The following TEX11 variants were observed in gnomAD, a reference collection of about 807,000 sequenced individuals.
TEX11 encodes testis expressed 11.
A neutral mutation model predicts 84.4 loss-of-function variants in TEX11; 7 were observed. That is an observed-to-expected ratio of 0.08 (90% CI 0.05 to 0.16). The LOEUF (loss-of-function observed/expected upper bound fraction) is 0.16. Among genes scored for constraint, TEX11 ranks in the 10% least tolerant of loss-of-function variants. The pLI, the probability that TEX11 is intolerant of heterozygous loss-of-function variation, is 1.00. For synonymous variants in TEX11, 264 were observed against 222.8 expected, an observed-to-expected ratio of 1.18 and a Z score of -1.64; for missense variants, 551 against 660.5, an observed-to-expected ratio of 0.83 and a Z score of 1.82.
intron 9 of TEX11, among the ~76,000 whole-genome samples, chrX:70,796,562 A>G (rs751578267): frequency 8.9e-6 from 1 of 112,076 alleles, no homozygotes; most frequent in East Asian, 2.8e-4. Context: ...ATAATTTATG[A>G]CTAAGTCCTC....
chrX:70,829,150 A>G (rs1234075704), intron 8 of TEX11, among the ~76,000 whole-genome samples: 1 of 111,907 alleles, frequency 8.9e-6, no homozygotes, highest in African/African-American at 3.2e-5. Context: ...GCAAGAAGAA[A>G]TCACCTGAAG....
intron 2 of TEX11, among the ~76,000 whole-genome samples, chrX:70,887,753 C>T (rs780552251): frequency 1.5e-3 from 166 of 112,307 alleles, no homozygotes; most frequent in African/African-American, 5.1e-3. Context: ...GCCTTGGTTA[C>T]AAAGGTGGTT....
At chrX:70,647,675 A>T (rs944467812) in intron 17 of TEX11, among the ~76,000 whole-genome samples, 9 of 109,896 alleles carry the variant, frequency 8.2e-5, no homozygotes, top group African/African-American at 2.3e-4. Context: ...CAAAAAAATA[A>T]AAAATAAAAA....
In TEX11 at chrX:70,873,316, A is replaced by G. The variant is rs1225140258; in HGVS notation, c.160-9T>C. On this transcript the variant is annotated splice_polypyrimidine_tract_variant and intron_variant, in intron 3 of 29. Coordinates refer to ENST00000374333, the MANE Select transcript of TEX11 (RefSeq NM_031276.3). The stretch of plus-strand genomic sequence containing the variant: ...ACTGCCATTTCTTCAATCTGGTCAA[A>G]GAGAAACATTTCCTTAGTTAGTTAA... The G allele has an allele frequency of 1.8e-6, 2 of 1,136,098 alleles. No individual in the cohort carries two copies. Among genetic ancestry groups the G allele is most frequent in the Non-Finnish European group, 2.4e-6 (2 of 827,554 alleles). 93.6% of individuals were successfully genotyped at this position (1,136,098 alleles called of 1,213,427 possible).
chrX:70,789,630 C>G (rs968464722), intron 9 of TEX11, among the ~76,000 whole-genome samples: 11 of 111,597 alleles, frequency 9.9e-5, no homozygotes, highest in African/African-American at 3.6e-4. Flanking sequence ...TATGGGGAGA[C>G]GAAAGATAAC....
chrX:70,605,257 C>T, intron 24 of TEX11, 144 bp downstream of exon 24: 1 of 381,036 alleles, frequency 2.6e-6, no homozygotes. Flanking sequence ...AAGGAATTAG[C>T]CATTACAAAC....
intron 19 of TEX11, 143 bp downstream of exon 19, chrX:70,624,696 T>C (rs978729868): frequency 4.9e-6 from 2 of 405,532 alleles, no homozygotes; most frequent in Non-Finnish European, 8.3e-6. Flanking sequence ...TAAGTATTTA[T>C]CAAGTCCCAA....
intron 26 of TEX11, 89 bp downstream of exon 26, chrX:70,554,562 G>T: frequency 1.1e-6 from 1 of 904,182 alleles, no homozygotes. Flanking sequence ...TTTCCTACCT[G>T]GAGGTAAGAA....
chrX:70,804,434 TG>T (rs1272898470), intron 9 of TEX11, among the ~76,000 whole-genome samples: 1 of 112,362 alleles, frequency 8.9e-6, no homozygotes, highest in Non-Finnish European at 1.9e-5. Flanking sequence ...CATTAAAATA[TG>T]ATAATTCCTT....
Position 70,632,307 on chromosome X carries a change from G to T in TEX11, c.1484-2572C>A, listed in dbSNP as rs184225652. On this transcript the variant is annotated intron_variant, in intron 17 of 29. Coordinates refer to ENST00000374333, the MANE Select transcript of TEX11 (RefSeq NM_031276.3). ...CAAATGGAACTCAAAGAAAGCAGAAGAATGGATATGATAAAGATCAGAACG... is the reference window on the plus strand; with the variant it reads ...CAAATGGAACTCAAAGAAAGCAGAATAATGGATATGATAAAGATCAGAACG... Among the ~76,000 whole-genome samples, 247 of 111,378 alleles carry T rather than the reference G, an allele frequency of 2.2e-3. 3 individuals carry two copies. Among genetic ancestry groups the T allele is most frequent in the African/African-American group, 7.6e-3 (233 of 30,667 alleles).
rs751906496 is a variant in TEX11 at position 70,605,629 on chromosome X, A to G, written c.1951-112T>C. The G allele has an allele frequency of 7.4e-4, 361 of 490,460 alleles. 1 individual carries two copies. Among genetic ancestry groups the G allele is most frequent in the Non-Finnish European group, 1.4e-4 (38 of 281,002 alleles). The allele number at this position is 490,460 out of a possible 1,213,427, so 40.4% of individuals were successfully genotyped here. ...TGTTTGAATGAGAAAATTCAGCTGG[A>G]AAAGCACATGTCACCATAGAAATGA... On this transcript the variant is annotated intron_variant, in intron 23 of 29. Transcript: ENST00000374333.
chrX:70,826,787 C>A (rs1488660008), intron 8 of TEX11, among the ~76,000 whole-genome samples: 3 of 111,380 alleles, frequency 2.7e-5, no homozygotes, highest in Non-Finnish European at 3.8e-5. Flanking sequence ...CAAGCCTCGT[C>A]ACTGTGGGCT....
intron 9 of TEX11, among the ~76,000 whole-genome samples, chrX:70,750,819 C>G (rs1187043414): frequency 1.0e-5 from 1 of 96,984 alleles, no homozygotes; most frequent in Non-Finnish European, 2.1e-5. Flanking sequence ...ATACCTAATG[C>G]TAGATGACGA....
chrX:70,537,120 T>C (rs934045683), intron 28 of TEX11, among the ~76,000 whole-genome samples: 2 of 111,238 alleles, frequency 1.8e-5, no homozygotes, highest in Non-Finnish European at 3.8e-5. Flanking sequence ...GGTACAGTGG[T>C]AGAATGTTAT....
chrX:70,822,119 A>C (rs1406644104), intron 8 of TEX11, among the ~76,000 whole-genome samples: 1 of 111,761 alleles, frequency 8.9e-6, no homozygotes, highest in African/African-American at 3.3e-5. Flanking sequence ...GTTATACTGT[A>C]TTATTTAGGG....
chrX:70,610,549 A>G lies in TEX11; in HGVS notation c.1752-6T>C, dbSNP rs1001535289. On this transcript the variant is annotated splice_region_variant and splice_polypyrimidine_tract_variant and intron_variant, in intron 20 of 29. Transcript: ENST00000374333. ...GTCGATCCATTTCTTTCTTCCTAAA[A>G]ATAAAGAAAAGGATATTTTCCAACT... 1.3e-5 allele frequency: 15 copies of G among 1,199,515 alleles called. No individual in the cohort carries two copies. The Admixed American group carries it at 2.9e-4, about 23-fold the overall frequency.
intron 25 of TEX11, among the ~76,000 whole-genome samples, chrX:70,576,378 T>C (rs2088673668): frequency 1.8e-5 from 2 of 112,397 alleles, no homozygotes; most frequent in African/African-American, 6.5e-5. Flanking sequence ...CATTAGTTCA[T>C]TGGAAATACA....
At chrX:70,744,923 GT>G (rs2090759278) in intron 9 of TEX11, among the ~76,000 whole-genome samples, 3 of 104,024 alleles carry the variant, frequency 2.9e-5, no homozygotes, top group African/African-American at 1.1e-4. Flanking sequence ...GTTTCACCAT[GT>G]TGGCCAGGTT....
At chrX:70,901,122 G>A (rs774993602) in intron 2 of TEX11, among the ~76,000 whole-genome samples, 2 of 110,701 alleles carry the variant, frequency 1.8e-5, no homozygotes, top group East Asian at 5.7e-4. Flanking sequence ...TGAGGCGGGA[G>A]GATCGCTTGA....
Sources: allele counts gnomAD v4.1 joint callset (sites outside exome capture counted in the v4.1 genomes callset), GRCh38; gene constraint gnomAD v4.1.1; transcripts MANE v1.5; gene names NCBI Gene and HGNC (gene_info 2026-07-23, HGNC 2026-07-21).